Variants in SPOCK1 observed in about 807,000 individuals in gnomAD.
The protein encoded by SPOCK1 is testican-1.
SPOCK1 carries 23 observed loss-of-function variants against 55.3 expected under a neutral mutation model. That is an observed-to-expected ratio of 0.42 (90% CI 0.30 to 0.59). The LOEUF (loss-of-function observed/expected upper bound fraction) is 0.59, where lower values mean the gene tolerates loss of function less well. Ranked by LOEUF, SPOCK1 falls within the 20% of genes least tolerant of loss-of-function variation. The pLI, the probability that SPOCK1 is intolerant of heterozygous loss-of-function variation, is 0.22. For missense variants in SPOCK1, 499 were observed against 552.5 expected, an observed-to-expected ratio of 0.90 and a Z score of 0.97; for synonymous variants, 226 against 221.0, an observed-to-expected ratio of 1.02 and a Z score of -0.20.
At chr5:136,999,895 A>G (rs1325072379) in intron 6 of SPOCK1, among the ~76,000 whole-genome samples, 1 of 152,132 alleles carries the variant, frequency 6.6e-6, no homozygotes, top group Non-Finnish European at 1.5e-5. Context: ...TCTGTTGGGG[A>G]ACCAATTACT....
chr5:137,421,810 A>G (rs958062472), intron 2 of SPOCK1, among the ~76,000 whole-genome samples: 12 of 152,236 alleles, frequency 7.9e-5, no homozygotes, highest in Admixed American at 2.6e-4. Context: ...TAAGGTTAAT[A>G]TTGTTATGTG....
intron 2 of SPOCK1, among the ~76,000 whole-genome samples, chr5:137,407,430 G>T (rs1354477334): frequency 6.6e-6 from 1 of 152,124 alleles, no homozygotes; most frequent in Non-Finnish European, 1.5e-5. Context: ...AGGAACCCAG[G>T]GTTCTTGCAG....
Position 137,316,473 on chromosome 5 carries a change from G to A in SPOCK1, c.187-49418C>T, listed in dbSNP as rs759443022. Among the ~76,000 whole-genome samples, 8 of 152,258 alleles carry A rather than the reference G, an allele frequency of 5.3e-5. No individual in the cohort carries two copies. In the East Asian group the frequency reaches 7.7e-4, roughly 15 times the overall value. On this transcript the variant is annotated intron_variant, in intron 2 of 10. Coordinates refer to ENST00000394945, the MANE Select transcript of SPOCK1 (RefSeq NM_004598.4). ...TGATATCATGTGATTCAAGGAATTC[G>A]AGCAAAGTTTCAGCCCTGAAGAGCT...
chr5:137,221,964 G>A (rs969907959), intron 3 of SPOCK1, among the ~76,000 whole-genome samples: 1 of 152,140 alleles, frequency 6.6e-6, no homozygotes, highest in Non-Finnish European at 1.5e-5. Context: ...AGAAAGCCTT[G>A]ATCAGACTCC....
intron 4 of SPOCK1, among the ~76,000 whole-genome samples, chr5:137,129,421 G>A (rs371011923): frequency 7.3e-4 from 111 of 152,298 alleles, no homozygotes; most frequent in Middle Eastern, 3.4e-3. Flanking sequence ...AGTTTAATGC[G>A]GAGCTAGCCA....
intron 2 of SPOCK1, among the ~76,000 whole-genome samples, chr5:137,396,438 G>A (rs1428832663): frequency 6.6e-6 from 1 of 152,226 alleles, no homozygotes; most frequent in Non-Finnish European, 1.5e-5. Flanking sequence ...TAAGTTAGGG[G>A]TAAAGAGGAA....
At chr5:137,160,331 TTA>T (rs1419083652) in intron 3 of SPOCK1, among the ~76,000 whole-genome samples, 1 of 123,414 alleles carries the variant, frequency 8.1e-6, no homozygotes, top group African/African-American at 2.8e-5. Flanking sequence ...AATATATATA[TTA>T]TATATATTAT....
At chr5:137,407,178 T>C (rs576849997) in intron 2 of SPOCK1, among the ~76,000 whole-genome samples, 24 of 152,286 alleles carry the variant, frequency 1.6e-4, no homozygotes, top group African/African-American at 5.5e-4. Flanking sequence ...AAAATAGATA[T>C]AAGATTTTTA....
chr5:137,231,650 C>G (rs1353078255), intron 3 of SPOCK1, among the ~76,000 whole-genome samples: 2 of 152,218 alleles, frequency 1.3e-5, no homozygotes, highest in Non-Finnish European at 2.9e-5. Context: ...TGAAGGCCCT[C>G]TGGCCTGATT....
chr5:137,376,110 T>C (rs1013777077), intron 2 of SPOCK1, among the ~76,000 whole-genome samples: 1 of 152,196 alleles, frequency 6.6e-6, no homozygotes. Flanking sequence ...CACCAGGCTT[T>C]CACCACACAG....
At chr5:137,433,203 C>T (rs778976533) in intron 2 of SPOCK1, among the ~76,000 whole-genome samples, 1 of 152,162 alleles carries the variant, frequency 6.6e-6, no homozygotes, top group Non-Finnish European at 1.5e-5. Context: ...ACTTGAAAAA[C>T]CAGAACCTTT....
At chr5:137,071,655 C>T (rs753338041) in intron 5 of SPOCK1, among the ~76,000 whole-genome samples, 13 of 152,154 alleles carry the variant, frequency 8.5e-5, no homozygotes, top group Admixed American at 3.3e-4. Context: ...ACCACACCTC[C>T]CAGAAAACTC....
chr5:137,179,587 T>C (rs1481917128), intron 3 of SPOCK1, among the ~76,000 whole-genome samples: 2 of 152,088 alleles, frequency 1.3e-5, no homozygotes, highest in African/African-American at 4.8e-5. Flanking sequence ...TGACCAAAAA[T>C]TCCCCCCGGT....
At chr5:137,471,142 T>C (rs1258745087) in intron 2 of SPOCK1, among the ~76,000 whole-genome samples, 1 of 152,196 alleles carries the variant, frequency 6.6e-6, no homozygotes, top group Non-Finnish European at 1.5e-5. Flanking sequence ...CTTAGCTCTG[T>C]CCAACTCTCC....
intron 3 of SPOCK1, among the ~76,000 whole-genome samples, chr5:137,146,330 T>C (rs1321428000): frequency 2.2e-4 from 33 of 152,088 alleles, no homozygotes; most frequent in Admixed American, 2.2e-3. Context: ...AAGATTAATC[T>C]AAAACAGCAG....
chr5:137,292,089 G>C (rs1384953666), intron 2 of SPOCK1, among the ~76,000 whole-genome samples: 1 of 152,196 alleles, frequency 6.6e-6, no homozygotes, highest in Admixed American at 6.5e-5. Context: ...AAGCCTGGAT[G>C]CAGCCATGCC....
intron 3 of SPOCK1, among the ~76,000 whole-genome samples, chr5:137,230,471 A>G (rs1756028358): frequency 6.6e-6 from 1 of 152,224 alleles, no homozygotes; most frequent in South Asian, 2.1e-4. Flanking sequence ...GTTTATTTGG[A>G]AATTTTAAAC....
At chr5:137,273,100 A>G (rs1294139547) in intron 2 of SPOCK1, among the ~76,000 whole-genome samples, 3 of 152,226 alleles carry the variant, frequency 2.0e-5, no homozygotes, top group Non-Finnish European at 4.4e-5. Flanking sequence ...TGCTCTTTCA[A>G]TAAATAACCC....
At chr5:137,491,576 A>G (rs1350803792) in intron 2 of SPOCK1, among the ~76,000 whole-genome samples, 2 of 152,170 alleles carry the variant, frequency 1.3e-5, no homozygotes, top group Non-Finnish European at 2.9e-5. Flanking sequence ...ACCAAGCTAT[A>G]TACAATGGTG....
Sources: allele counts gnomAD v4.1 joint callset (sites outside exome capture counted in the v4.1 genomes callset), GRCh38; gene constraint gnomAD v4.1.1; transcripts MANE v1.5; gene names NCBI Gene and HGNC (gene_info 2026-07-23, HGNC 2026-07-21).